The following FAM135B variants were observed in gnomAD, a reference collection of about 807,000 sequenced individuals.
The protein encoded by FAM135B is protein FAM135B.
A neutral mutation model predicts 127.7 loss-of-function variants in FAM135B; 43 were observed. The ratio of observed to expected loss-of-function variants is 0.34; its 90% CI spans 0.26 to 0.43. The LOEUF (loss-of-function observed/expected upper bound fraction) is 0.43. Ranked by LOEUF, FAM135B falls within the 20% of genes least tolerant of loss-of-function variation. The pLI is 1.00. For missense variants in FAM135B, 1,558 were observed against 1,725.6 expected (o/e 0.90, Z 1.72); for synonymous variants, 670 against 665.1 (o/e 1.01, Z -0.11).
intron 7 of FAM135B, among the ~76,000 whole-genome samples, chr8:138,216,716 AG>A (rs1818575142): frequency 1.3e-5 from 2 of 152,330 alleles, no homozygotes; most frequent in East Asian, 3.9e-4. Flanking sequence ...TTTAAGAGCC[AG>A]TGATGGGTTG....
intron 3 of FAM135B, among the ~76,000 whole-genome samples, chr8:138,287,775 C>T (rs1824810222): frequency 6.6e-6 from 1 of 152,196 alleles, no homozygotes. Context: ...GTAACACAAG[C>T]TGGCTGCAAG....
intron 1 of FAM135B, among the ~76,000 whole-genome samples, chr8:138,390,825 T>C (rs1342159268): frequency 6.6e-6 from 1 of 152,152 alleles, no homozygotes; most frequent in Non-Finnish European, 1.5e-5. Flanking sequence ...CAGCACTCTA[T>C]GGCAGTGTTA....
rs1395132721 is a variant in FAM135B at position 138,138,996 on chromosome 8, G to A, written c.3891C>T (p.Ser1297=). The change falls in exon 18 of 20, where the codon AGC becomes AGT. Residue 1297 remains serine (S), a synonymous_variant. Transcript: ENST00000395297. ...GGGGAAACCACTGACCTGTTTTTTG[G>A]CTTAGTTGGTAGAGGAAACATTTGC... ...DLRKCFLYQL[S]QKTGLQYFKN... 6.2e-7 allele frequency: 1 copy of A among 1,609,640 alleles called. No individual in the cohort carries two copies. The highest frequency in any genetic ancestry group is 8.5e-7 in the Non-Finnish European group (1 of 1,176,122).
intron 3 of FAM135B, among the ~76,000 whole-genome samples, chr8:138,309,678 C>T (rs549409257): frequency 4.6e-5 from 7 of 152,150 alleles, no homozygotes; most frequent in South Asian, 4.1e-4. Flanking sequence ...CACCATAACA[C>T]GTTGCAAATT....
chr8:138,495,183 C>A (rs543591371), intron 1 of FAM135B, among the ~76,000 whole-genome samples: 115 of 152,338 alleles, frequency 7.5e-4, no homozygotes, highest in Middle Eastern at 3.4e-3. Flanking sequence ...CCCAAACATC[C>A]TCTCCACATC....
In FAM135B at chr8:138,367,964, G is replaced by A. The variant is rs757221025; in HGVS notation, c.20C>T (p.Thr7Met). 1.9e-5 allele frequency: 30 copies of A among 1,613,386 alleles called. No homozygotes were observed. The highest frequency in any genetic ancestry group is 2.2e-5 in the East Asian group (1 of 44,870). The change falls in exon 2 of 20, where the codon ACG (threonine) becomes ATG (methionine). Residue 7 changes from threonine to methionine, a missense_variant. Around this residue, in one of 5 missense-constraint regions of FAM135B, gnomAD observed 199 missense variants for 245.7 expected, o/e 0.81. Coordinates refer to ENST00000395297, the MANE Select transcript of FAM135B (RefSeq NM_015912.4). ...ATGTAGCTCTACCGAAAACTCAACC[G>A]TTCCTTGTATTTCAGACATGATCTT... MSEIQG[T>M]VEFSVELHKF...
chr8:138,304,577 AAG>A (rs954831004), intron 3 of FAM135B, among the ~76,000 whole-genome samples: 201 of 152,282 alleles, frequency 1.3e-3, no homozygotes, highest in African/African-American at 4.5e-3. Flanking sequence ...AGAGGTGGGA[AAG>A]AAAGAAAAAG....
At chr8:138,451,497 T>C (rs888101797) in intron 1 of FAM135B, among the ~76,000 whole-genome samples, 1 of 152,220 alleles carries the variant, frequency 6.6e-6, no homozygotes, top group African/African-American at 2.4e-5. Context: ...ACAGGTGTCC[T>C]ATGAGTCACC....
intron 1 of FAM135B, among the ~76,000 whole-genome samples, chr8:138,429,392 T>G (rs1469330160): frequency 1.3e-5 from 2 of 152,174 alleles, no homozygotes; most frequent in Non-Finnish European, 2.9e-5. Flanking sequence ...CTGCTATCCT[T>G]GTGGCTACCA....
intron 12 of FAM135B, among the ~76,000 whole-genome samples, chr8:138,160,618 G>A (rs913476445): frequency 4.0e-5 from 6 of 149,466 alleles, no homozygotes; most frequent in South Asian, 2.1e-4. Context: ...GGCTGGTCTC[G>A]AACTCCTGAG....
Position 138,297,155 on chromosome 8 carries a change from A to G in FAM135B, c.157+13686T>C, listed in dbSNP as rs182531297. ...ATGCATCTGCTACGTCACTCCCTCA[A>G]TGCCACAGAGTTGAAATATGGAAAG... On this transcript the variant is annotated intron_variant, in intron 3 of 19. Coordinates refer to ENST00000395297, the MANE Select transcript of FAM135B (RefSeq NM_015912.4). 2.7e-3 allele frequency among the ~76,000 whole-genome samples: 412 copies of G among 152,304 alleles called. 3 individuals are homozygous for G. The highest frequency in any genetic ancestry group is 5.8e-3 in the South Asian group (28 of 4,824).
intron 1 of FAM135B, among the ~76,000 whole-genome samples, chr8:138,394,829 C>T (rs1036324424): frequency 6.6e-6 from 1 of 152,188 alleles, no homozygotes; most frequent in Non-Finnish European, 1.5e-5. Flanking sequence ...GGCAACTGAG[C>T]TGTCCGTGTA....
intron 9 of FAM135B, among the ~76,000 whole-genome samples, chr8:138,180,751 T>C (rs545643404): frequency 6.6e-6 from 1 of 152,160 alleles, no homozygotes; most frequent in Non-Finnish European, 1.5e-5. Context: ...CACAGCATCA[T>C]CTCTGAGCTA....
Position 138,435,473 on chromosome 8 carries a change from C to T in FAM135B, c.-20+61198G>A, listed in dbSNP as rs191859735. ...TGTTGACATGTCCACAGGTGTACTG[C>T]TTTATGATGCAGTAGCCTTGCTGTA... On this transcript the variant is annotated intron_variant, in intron 1 of 19. Transcript: ENST00000395297. 6.4e-4 allele frequency among the ~76,000 whole-genome samples: 98 copies of T among 152,184 alleles called. 2 individuals are homozygous for T. The East Asian group carries it at 0.015, about 24-fold the overall frequency.
chr8:138,252,634 G>C (rs1304472154), intron 5 of FAM135B, among the ~76,000 whole-genome samples: 2 of 152,144 alleles, frequency 1.3e-5, no homozygotes, highest in Non-Finnish European at 2.9e-5. Context: ...GTGCAGGGAG[G>C]TCTCTAAGCT....
chr8:138,359,439 G>A (rs1479722332), intron 2 of FAM135B, among the ~76,000 whole-genome samples: 2 of 152,116 alleles, frequency 1.3e-5, no homozygotes, highest in Non-Finnish European at 2.9e-5. Flanking sequence ...ATTCATCATG[G>A]TGGACACTCT....
At chr8:138,377,025 G>A (rs1831522500) in intron 1 of FAM135B, among the ~76,000 whole-genome samples, 2 of 152,144 alleles carry the variant, frequency 1.3e-5, no homozygotes, top group African/African-American at 4.8e-5. Flanking sequence ...GAGAATGTTG[G>A]ATAAAATATT....
intron 1 of FAM135B, among the ~76,000 whole-genome samples, chr8:138,436,589 C>G (rs571238947): frequency 6.6e-6 from 1 of 152,292 alleles, no homozygotes; most frequent in South Asian, 2.1e-4. Context: ...TCTAAGGCAT[C>G]AGTTTGCAAC....
intron 1 of FAM135B, among the ~76,000 whole-genome samples, chr8:138,448,795 A>G (rs1282800440): frequency 6.6e-6 from 1 of 151,798 alleles, no homozygotes; most frequent in Admixed American, 6.6e-5. Context: ...ACAGGGGGAA[A>G]AAAAAAAAAA....
Sources: gnomAD v4.1 joint callset for allele counts (sites outside exome capture counted in the v4.1 genomes callset) on GRCh38, gnomAD v4.1.1 for gene constraint, gnomAD v4.1.1 regional missense constraint, MANE v1.5 for transcripts, NCBI Gene and HGNC (gene_info 2026-07-23, HGNC 2026-07-21) for gene names.